Variants in ADAMTS4 observed in about 807,000 individuals in gnomAD.
ADAMTS4 encodes the protein ADAM metallopeptidase with thrombospondin type 1 motif 4, also known as A disintegrin and metalloproteinase with thrombospondin motifs 4.
In ADAMTS4, 38 loss-of-function variants were observed where a neutral mutation model predicts 66.7. That is an observed-to-expected ratio of 0.57 (90% confidence interval 0.44 to 0.75). The LOEUF (loss-of-function observed/expected upper bound fraction) is 0.75, where lower values mean the gene tolerates loss of function less well. Ranked by LOEUF, ADAMTS4 falls within the 30% of genes least tolerant of loss-of-function variation. The probability of loss-of-function intolerance (pLI) is 0.00; values close to 1 mark genes in which losing one functional copy is unlikely to be tolerated. For missense variants in ADAMTS4, 1,014 were observed against 1,116.7 expected (o/e 0.91, Z 1.31); for synonymous variants, 418 against 461.5 (o/e 0.91, Z 1.21).
rs1664526306 is a variant in ADAMTS4, at chr1:161,185,459, C to G, written c.*5679G>C. On this transcript the variant is annotated 3_prime_UTR_variant, in exon 9 of 9. Coordinates refer to ENST00000367996, the MANE Select transcript of ADAMTS4 (RefSeq NM_005099.6). ...CTCCCCCGCCTTCCCTGACCCCCCT[C>G]TTTCTGAGCATTTTTAGCACTCGTG... is the stretch of plus-strand genomic sequence containing the variant. 6.6e-6 allele frequency: 1 copy of G among 151,908 alleles called. No homozygotes were observed. Among genetic ancestry groups the G allele is most frequent in the African/African-American group, 2.4e-5 (1 of 41,286 alleles). The allele number at this position is 151,908 out of a possible 1,614,324, so 9.4% of individuals were successfully genotyped here.
Position 161,198,316 on chromosome 1 carries a change from GACCTGCAC to G in ADAMTS4, c.304_311del (p.Val102ArgfsTer13). 1 of 1,613,328 alleles carries G rather than the reference GACCTGCAC, an allele frequency of 6.2e-7. No individual in the cohort carries two copies. The highest frequency in any genetic ancestry group is 1.1e-5 in the South Asian group (1 of 91,078). On this transcript the variant is annotated frameshift_variant, in exon 1 of 9. Coordinates refer to ENST00000367996, the MANE Select transcript of ADAMTS4 (RefSeq NM_005099.6). LOFTEE classifies it high-confidence loss of function. The surrounding 1 kb of genome is among the most constrained non-coding windows in gnomAD (Gnocchi z 4.7). ...CCAGGTACTGCACTGTCAGCCCCTC[GACCTGCAC>G]ACCGGAGTCCTGCTCCAGCTCTAGT...
At chr1:161,197,853 C>G in intron 1 of ADAMTS4, 142 bp downstream of exon 1, 2 of 1,302,492 alleles carry the variant, frequency 1.5e-6, no homozygotes, top group African/African-American at 3.0e-5. Flanking sequence ...AGAAAGGAGG[C>G]TCATGGAGAA....
rs560666778 is a variant in ADAMTS4 at position 161,198,035 on chromosome 1, G to A, written c.593C>T (p.Ala198Val). ...SGQGPMCNVKAPLGSPSPRPR... is the reference protein window; with the variant it reads ...SGQGPMCNVKVPLGSPSPRPR... ...TCTGGGGCTGGGGCTTCCAAGAGGA[G>A]CCTTGACGTTGCACATGGGACCTTG... The change falls in exon 1 of 9, where the codon GCT becomes GTT. Residue 198 changes from alanine (A) to valine (V), a missense_variant. Coordinates refer to ENST00000367996, the MANE Select transcript of ADAMTS4 (RefSeq NM_005099.6). This position sits in a 1 kb window ranked among gnomAD's most constrained non-coding sequence, Gnocchi z 4.7. 6.3e-7 allele frequency: 1 copy of A among 1,592,102 alleles called. No individual in the cohort carries two copies. Among genetic ancestry groups the A allele is most frequent in the African/African-American group, 1.3e-5 (1 of 74,616 alleles).
At position 161,196,637 on chromosome 1, in the gene ADAMTS4, A is replaced by T; in HGVS notation, c.877T>A (p.Cys293Ser). 1 of 1,614,210 alleles carries T rather than the reference A, an allele frequency of 6.2e-7. No homozygotes were observed. The highest frequency in any genetic ancestry group is 8.5e-7 in the Non-Finnish European group (1 of 1,180,030). The change falls in exon 2 of 9, where the codon TGT (cysteine) becomes AGT (serine). Residue 293 changes from cysteine (C) to serine (S), a missense_variant. Physicochemically the swap from Cys to Ser is moderately radical, Grantham distance 112. Transcript: ENST00000367996. Reference sequence around the variant, plus strand: ...GTGTTGAGGCCCCGCTGCCAGGCACAGAAGCTGCGCAGGGTCTGGGCAGCA... The same window carrying T: ...GTGTTGAGGCCCCGCTGCCAGGCACTGAAGCTGCGCAGGGTCTGGGCAGCA... ...PSAAQTLRSF[C>S]AWQRGLNTPE...
In ADAMTS4 at chr1:161,192,229, C is replaced by T. The variant is rs756226957; in HGVS notation, c.1923G>A (p.Gly641=). ...YYVLEPRVVD[G]TPCSPDSSSV... is the part of the protein sequence containing the mutation. ...AGGAGCTGTCCGGGGAACAGGGGGT[C>T]CCATCTACCACCTGAGGAAAAGAGA... Residue 641 remains glycine, a synonymous_variant, in exon 8 of 9, where the codon GGG becomes GGA. Coordinates refer to ENST00000367996, the MANE Select transcript of ADAMTS4 (RefSeq NM_005099.6). 6 of 1,613,378 alleles carry T rather than the reference C, an allele frequency of 3.7e-6. No individual in the cohort carries two copies. The African/African-American group carries it at 8.0e-5, about 22-fold the overall frequency.
At position 161,190,998 on chromosome 1, in the gene ADAMTS4, A is replaced by AGGGCAGAGAGGAG; in HGVS notation, c.*127_*139dup. The AGGGCAGAGAGGAG allele has an allele frequency of 1.0e-6, 1 of 990,614 alleles. No individual in the cohort carries two copies. The highest frequency in any genetic ancestry group is 1.4e-6 in the Non-Finnish European group (1 of 695,140). 61.4% of individuals were successfully genotyped at this position (990,614 alleles called of 1,614,324 possible). On this transcript the variant is annotated 3_prime_UTR_variant, in exon 9 of 9. Transcript: ENST00000367996. ...CCAGGGCAGGGCCAGCCTGCGCATTAGGGCAGAGAGGAGGGGCAGGTCTCA... is the reference window on the plus strand; with the variant it reads ...CCAGGGCAGGGCCAGCCTGCGCATTAGGGCAGAGAGGAGGGGCAGAGAGGAGGGGCAGGTCTCA...
intron 1 of ADAMTS4, chr1:161,197,515 C>A: frequency 6.2e-6 from 1 of 161,644 alleles, no homozygotes; most frequent in Non-Finnish European, 1.3e-5. Flanking sequence ...TCTCTTGCCA[C>A]TCCTGCCCTA....
chr1:161,191,700 G>T (rs1571577156), intron 8 of ADAMTS4, 136 bp from the exon 9 acceptor site: 1 of 912,486 alleles, frequency 1.1e-6, no homozygotes, highest in African/African-American at 1.7e-5. Flanking sequence ...GTTCGGTCTG[G>T]ATCAGAGCTA....
At position 161,189,666 on chromosome 1, in the gene ADAMTS4, T is replaced by C. The variant is rs752235990; in HGVS notation, c.*1472A>G. 6.6e-6 allele frequency: 1 copy of C among 152,114 alleles called. No homozygotes were observed. Among genetic ancestry groups the C allele is most frequent in the Non-Finnish European group, 1.5e-5 (1 of 68,028 alleles). 9.4% of individuals were successfully genotyped at this position (152,114 alleles called of 1,614,324 possible). On this transcript the variant is annotated 3_prime_UTR_variant, in exon 9 of 9. Coordinates refer to ENST00000367996, the MANE Select transcript of ADAMTS4 (RefSeq NM_005099.6). ...GTTGTGGATCTTTGCCACCTTCAAGTGCATATGGAGAGTGGATGTGGACAG... is the reference window on the plus strand; with the variant it reads ...GTTGTGGATCTTTGCCACCTTCAAGCGCATATGGAGAGTGGATGTGGACAG...
chr1:161,194,090 G>A lies in ADAMTS4; in HGVS notation c.1393C>T (p.Pro465Ser). 1 of 1,614,256 alleles carries A rather than the reference G, an allele frequency of 6.2e-7. No individual in the cohort carries two copies. The highest frequency in any genetic ancestry group is 8.5e-7 in the Non-Finnish European group (1 of 1,180,044). Residue 465 changes from proline (P) to serine (S), a missense_variant, in exon 5 of 9, where the codon CCG becomes TCG. Physicochemically the swap from Pro to Ser is moderately conservative, Grantham distance 74. Transcript: ENST00000367996. The surrounding 1 kb of genome is among the most constrained non-coding windows in gnomAD (Gnocchi z 4.1). ...PDSRHCPQLPPPCAALWCSGH... is the reference protein window; with the variant it reads ...PDSRHCPQLPSPCAALWCSGH... ...GAGCACCAGAGGGCAGCACAGGGCGGCGGCAGCTGTGGACAATGGCGTGAG... is the reference window on the plus strand; with the variant it reads ...GAGCACCAGAGGGCAGCACAGGGCGACGGCAGCTGTGGACAATGGCGTGAG...
chr1:161,194,038 C>T lies in ADAMTS4; in HGVS notation c.1445G>A (p.Cys482Tyr). 1 of 1,614,130 alleles carries T rather than the reference C, an allele frequency of 6.2e-7. No homozygotes were observed. Among genetic ancestry groups the T allele is most frequent in the Non-Finnish European group, 8.5e-7 (1 of 1,180,020 alleles). The change falls in exon 5 of 9, where the codon TGC becomes TAC. Residue 482 changes from cysteine (C) to tyrosine (Y), a missense_variant. Physicochemically the swap from Cys to Tyr is radical, Grantham distance 194. Coordinates refer to ENST00000367996, the MANE Select transcript of ADAMTS4 (RefSeq NM_005099.6). The surrounding 1 kb of genome is among the most constrained non-coding windows in gnomAD (Gnocchi z 4.1). ...GGCCCAGGGCGAGTGTTTGGTCTGGCACATGGCATGGCCATTGAGGTGGCC... is the reference window on the plus strand; with the variant it reads ...GGCCCAGGGCGAGTGTTTGGTCTGGTACATGGCATGGCCATTGAGGTGGCC... ...CSGHLNGHAMCQTKHSPWADG... is the reference protein window; with the variant it reads ...CSGHLNGHAMYQTKHSPWADG...
chr1:161,194,342 A>T lies in ADAMTS4; in HGVS notation c.1262-121T>A. ...CCTAGAAAAACAATCCTAGGACTAT[A>T]AGAGGATTTAAATTTTTGTTATTTA... On this transcript the variant is annotated intron_variant, in intron 4 of 8. Coordinates refer to ENST00000367996, the MANE Select transcript of ADAMTS4 (RefSeq NM_005099.6). The surrounding 1 kb of genome is among the most constrained non-coding windows in gnomAD (Gnocchi z 4.1). 1 of 810,164 alleles carries T rather than the reference A, an allele frequency of 1.2e-6. No individual in the cohort carries two copies. Among genetic ancestry groups the T allele is most frequent in the Non-Finnish European group, 1.8e-6 (1 of 543,014 alleles). 50.2% of individuals were successfully genotyped at this position (810,164 alleles called of 1,614,324 possible). A position where few individuals can be genotyped will look rare whatever the true frequency, so the allele number is the denominator to read the frequency against.
At position 161,193,999 on chromosome 1, in the gene ADAMTS4, C is replaced by A. The variant is rs1664751719; in HGVS notation, c.1484G>T (p.Cys495Phe). 3.1e-6 allele frequency: 5 copies of A among 1,612,478 alleles called. No homozygotes were observed. ...ACCCATGCAGGCCTGTGCGGGCCCG[C>A]AGGGTGTGCCATCGGCCCAGGGCGA... Reference protein sequence around the residue: ...KHSPWADGTPCGPAQACMGGR... With the variant: ...KHSPWADGTPFGPAQACMGGR... The change falls in exon 5 of 9, where the codon TGC becomes TTC. Residue 495 changes from cysteine to phenylalanine, a missense_variant. By Grantham distance (205) the Cys-to-Phe change is radical (BLOSUM62 -2). Transcript: ENST00000367996. The surrounding 1 kb of genome is among the most constrained non-coding windows in gnomAD (Gnocchi z 4.4).
chr1:161,192,621 G>A (rs1303888036), intron 7 of ADAMTS4, among the ~76,000 whole-genome samples: 1 of 152,132 alleles, frequency 6.6e-6, no homozygotes, highest in African/African-American at 2.4e-5. Flanking sequence ...GATGGGAAGT[G>A]CAGTCTGTCT....
rs1664762840 is a variant in ADAMTS4 at position 161,194,357 on chromosome 1, T to A, written c.1262-136A>T. The A allele has an allele frequency of 5.4e-6, 4 of 736,440 alleles. No homozygotes were observed. The East Asian group carries it at 1.2e-4, about 22-fold the overall frequency. The allele number at this position is 736,440 out of a possible 1,614,324, so 45.6% of individuals were successfully genotyped here. ...CTAGGACTATAAGAGGATTTAAATTTTTGTTATTTATAATTTTTATTTTAA... is the reference window on the plus strand; with the variant it reads ...CTAGGACTATAAGAGGATTTAAATTATTGTTATTTATAATTTTTATTTTAA... On this transcript the variant is annotated intron_variant, in intron 4 of 8. Coordinates refer to ENST00000367996, the MANE Select transcript of ADAMTS4 (RefSeq NM_005099.6). This position sits in a 1 kb window ranked among gnomAD's most constrained non-coding sequence, Gnocchi z 4.1.
rs1665001208 is a variant in ADAMTS4 at position 161,199,029 on chromosome 1, CT to C, written c.-403del. Reference sequence around the variant, plus strand: ...CTCTGTCTCTCTCGTGCATATGTGTCTGTGGGTCTCCCTGTGGGTTCTCCCC... The same window carrying C: ...CTCTGTCTCTCTCGTGCATATGTGTCGTGGGTCTCCCTGTGGGTTCTCCCC... On this transcript the variant is annotated 5_prime_UTR_variant, in exon 1 of 9. Transcript: ENST00000367996. 1 of 174,940 alleles carries C rather than the reference CT, an allele frequency of 5.7e-6. No homozygotes were observed. The highest frequency in any genetic ancestry group is 1.2e-5 in the Non-Finnish European group (1 of 83,400). The allele number at this position is 174,940 out of a possible 1,614,324, so 10.8% of individuals were successfully genotyped here. A position where few individuals can be genotyped will look rare whatever the true frequency, so the allele number is the denominator to read the frequency against.
chr1:161,192,031 A>G lies in ADAMTS4; in HGVS notation c.2087+34T>C, dbSNP rs770443663. 3.1e-6 allele frequency: 5 copies of G among 1,608,572 alleles called. No individual in the cohort carries two copies. The South Asian group carries it at 5.5e-5, about 18-fold the overall frequency. The stretch of plus-strand genomic sequence containing the variant: ...TGCATCACTAGGACCCAGAATGTCC[A>G]GGAAGGTAGAGGGAGGAATGATGGT... On this transcript the variant is annotated intron_variant, in intron 8 of 8. Coordinates refer to ENST00000367996, the MANE Select transcript of ADAMTS4 (RefSeq NM_005099.6).
chr1:161,191,646 G>A (rs1302671513), intron 8 of ADAMTS4, 82 bp from the exon 9 acceptor site: 2 of 1,361,506 alleles, frequency 1.5e-6, no homozygotes, highest in African/African-American at 1.4e-5. Context: ...GACTGTATGT[G>A]TGTACATGTG....
At position 161,193,515 on chromosome 1, in the gene ADAMTS4, C is replaced by A. The variant is rs1339407409; in HGVS notation, c.1735+125G>T. Reference sequence around the variant, plus strand: ...CCCTGCAGACGGCCAAGGACAATTCCCAGAGGTTAAAGGCACTCCCCACAG... The same window carrying A: ...CCCTGCAGACGGCCAAGGACAATTCACAGAGGTTAAAGGCACTCCCCACAG... On this transcript the variant is annotated intron_variant, in intron 6 of 8. Coordinates refer to ENST00000367996, the MANE Select transcript of ADAMTS4 (RefSeq NM_005099.6). The surrounding 1 kb of genome is among the most constrained non-coding windows in gnomAD (Gnocchi z 4.4). 2.0e-6 allele frequency: 3 copies of A among 1,519,602 alleles called. No homozygotes were observed. The highest frequency in any genetic ancestry group is 2.0e-4 in the Middle Eastern group (1 of 5,048). 94.1% of individuals were successfully genotyped at this position (1,519,602 alleles called of 1,614,324 possible).
Sources: allele counts gnomAD v4.1 joint callset (sites outside exome capture counted in the v4.1 genomes callset), GRCh38; gene constraint gnomAD v4.1.1; non-coding constraint Gnocchi (gnomAD v3.1); transcripts MANE v1.5; gene names NCBI Gene and HGNC (gene_info 2026-07-23, HGNC 2026-07-21).